Variants in MYO1H observed in about 807,000 individuals in gnomAD.
MYO1H encodes the protein myosin IH, also known as unconventional myosin-Ih.
Under a neutral mutation model 149.3 loss-of-function variants are expected in MYO1H, and 118 were observed. That is an observed-to-expected ratio of 0.79 (90% CI 0.68 to 0.92). The LOEUF (loss-of-function observed/expected upper bound fraction) is 0.92. Ranked by LOEUF, MYO1H falls within the 40% of genes least tolerant of loss-of-function variation. The pLI is 0.00. For synonymous variants in MYO1H, 447 were observed against 465.2 expected, an observed-to-expected ratio of 0.96 and a Z score of 0.50; for missense variants, 1,212 against 1,280.7, an observed-to-expected ratio of 0.95 and a Z score of 0.82.
chr12:109,412,015 TG>T lies in MYO1H; in HGVS notation c.1502+35del, dbSNP rs760192530. On this transcript the variant is annotated intron_variant, in intron 14 of 31. Coordinates refer to ENST00000310903, the Ensembl canonical transcript of MYO1H. ...ATACTTTATTTTACCAGATTTTGCATGGGGGAAGATGATTGTGTCTCCATTT... is the reference window on the plus strand; with the variant it reads ...ATACTTTATTTTACCAGATTTTGCATGGGGAAGATGATTGTGTCTCCATTT... 287 of 1,452,346 alleles carry T rather than the reference TG, an allele frequency of 2.0e-4. 1 individual carries two copies. The highest frequency in any genetic ancestry group is 5.8e-4 in the Admixed American group (28 of 48,264). The allele number at this position is 1,452,346 out of a possible 1,614,324, so 90.0% of individuals were successfully genotyped here. A position where few individuals can be genotyped will look rare whatever the true frequency, so the allele number is the denominator to read the frequency against.
At chr12:109,330,829 C>G in the MYO1H span, among the ~76,000 whole-genome samples, 1 of 152,046 alleles carries the variant, frequency 6.6e-6, no homozygotes, top group African/African-American at 2.4e-5. Flanking sequence ...CTTTTTTCCC[C>G]CAGCTAACTT....
upstream of MYO1H, among the ~76,000 whole-genome samples, chr12:109,343,600 A>T (rs192492696): frequency 1.4e-4 from 22 of 152,324 alleles, no homozygotes; most frequent in African/African-American, 5.1e-4. Context: ...GCCACTGGAG[A>T]TACTTTAACA....
At chr12:109,349,019 A>G (rs917141757) in intron 1 of MYO1H, among the ~76,000 whole-genome samples, 4 of 152,224 alleles carry the variant, frequency 2.6e-5, no homozygotes, top group African/African-American at 7.2e-5. Flanking sequence ...ATGTATCTGA[A>G]TGCCCATAAC....
At chr12:109,337,387 G>A in the MYO1H span, among the ~76,000 whole-genome samples, 1 of 152,186 alleles carries the variant, frequency 6.6e-6, no homozygotes, top group African/African-American at 2.4e-5. Context: ...GGATGTGTTA[G>A]TCTGTTCTCA....
At chr12:109,374,603 A>T (rs1394869244) in intron 1 of MYO1H, among the ~76,000 whole-genome samples, 1 of 152,124 alleles carries the variant, frequency 6.6e-6, no homozygotes, top group Non-Finnish European at 1.5e-5. Context: ...CTTGTCCCCC[A>T]CAGCACATAA....
the MYO1H span, among the ~76,000 whole-genome samples, chr12:109,327,857 G>A: frequency 3.3e-5 from 5 of 151,448 alleles, no homozygotes; most frequent in Non-Finnish European, 7.4e-5. Context: ...CTGGTCACTC[G>A]TAACTTAACA....
intron 30 of MYO1H, 56 bp from the exon 31 acceptor site, chr12:109,445,457 A>T: frequency 7.6e-7 from 1 of 1,308,172 alleles, no homozygotes; most frequent in Non-Finnish European, 1.1e-6. Context: ...TGTAGACCAA[A>T]GGTTGAGAGA....
intron 1 of MYO1H, among the ~76,000 whole-genome samples, chr12:109,356,409 C>A (rs536876676): frequency 1.3e-5 from 2 of 151,712 alleles, no homozygotes; most frequent in South Asian, 2.1e-4. Flanking sequence ...TGTTTTTTTA[C>A]AAGATCAGCT....
exon 9 of MYO1H, chr12:109,406,832 A>C: frequency 6.2e-7 from 1 of 1,614,002 alleles, no homozygotes; most frequent in Non-Finnish European, 8.5e-7. Context: ...GCTCTCACCC[A>C]CAGAAAAATT....
At chr12:109,356,154 CT>C (rs1419808553) in intron 1 of MYO1H, among the ~76,000 whole-genome samples, 5 of 152,140 alleles carry the variant, frequency 3.3e-5, no homozygotes, top group Non-Finnish European at 1.5e-5. Context: ...GTGAAGTCTA[CT>C]AATTTTCTTA....
At chr12:109,330,345 A>G in the MYO1H span, among the ~76,000 whole-genome samples, 1 of 152,226 alleles carries the variant, frequency 6.6e-6, no homozygotes, top group Non-Finnish European at 1.5e-5. Context: ...TTTTAAAGCA[A>G]TTACTTAAAT....
intron 15 of MYO1H, among the ~76,000 whole-genome samples, chr12:109,415,822 C>T (rs1345991918): frequency 6.6e-6 from 1 of 152,168 alleles, no homozygotes; most frequent in Non-Finnish European, 1.5e-5. Context: ...ATTCACATAT[C>T]ATCCATTTAC....
chr12:109,395,734 C>CA (rs112060744), intron 3 of MYO1H, among the ~76,000 whole-genome samples: 114 of 137,836 alleles, frequency 8.3e-4, no homozygotes, highest in East Asian at 1.7e-3. Flanking sequence ...GACTCCATCT[C>CA]AAAAAAAAAA....
rs184952778 is a variant in MYO1H at position 109,401,427 on chromosome 12, A to T, written c.750+155A>T. 5.6e-6 allele frequency: 4 copies of T among 709,482 alleles called. No homozygotes were observed. In the East Asian group the frequency reaches 1.1e-4, roughly 20 times the overall value. The allele number at this position is 709,482 out of a possible 1,614,324, so 43.9% of individuals were successfully genotyped here. ...CCATATATATATCACAAGCAATCTAATCCATCTCCTCTTATGCCTGGCAGC... is the reference window on the plus strand; with the variant it reads ...CCATATATATATCACAAGCAATCTATTCCATCTCCTCTTATGCCTGGCAGC... On this transcript the variant is annotated intron_variant, in intron 6 of 31. Transcript: ENST00000310903.
intron 15 of MYO1H, among the ~76,000 whole-genome samples, chr12:109,416,144 G>C (rs1028898351): frequency 6.6e-6 from 1 of 151,834 alleles, no homozygotes; most frequent in Non-Finnish European, 1.5e-5. Context: ...ATGTTGGCCA[G>C]GCTGGTCTGG....
intron 31 of MYO1H, 26 bp downstream of exon 31, chr12:109,445,638 G>A (rs548973124): frequency 3.7e-6 from 6 of 1,601,380 alleles, no homozygotes; most frequent in East Asian, 4.5e-5. Flanking sequence ...TGGGAGGGAA[G>A]TAAGCCGTTT....
chr12:109,402,442 A>C (rs1463976062), intron 6 of MYO1H, among the ~76,000 whole-genome samples: 6 of 152,178 alleles, frequency 3.9e-5, no homozygotes, highest in South Asian at 2.1e-4. Context: ...AAATCATGGA[A>C]GAAAAGAAGC....
intron 1 of MYO1H, among the ~76,000 whole-genome samples, chr12:109,374,350 C>T (rs556295652): frequency 2.6e-5 from 4 of 152,234 alleles, no homozygotes; most frequent in South Asian, 2.1e-4. Flanking sequence ...TCAGTTTCCC[C>T]GTCTGTAAAA....
rs771120970 is a variant in MYO1H at position 109,401,069 on chromosome 12, T to A, written c.571-24T>A. 3 of 1,606,590 alleles carry A rather than the reference T, an allele frequency of 1.9e-6. No homozygotes were observed. In the African/African-American group the frequency reaches 4.0e-5, roughly 21 times the overall value. ...AGAGTGGTTTGATTGTTGTCACTGC[T>A]GCAATTTTTGTTCTGTTTTGAAGGG... On this transcript the variant is annotated intron_variant, in intron 5 of 31. Coordinates refer to ENST00000310903, the Ensembl canonical transcript of MYO1H.
Sources: gnomAD v4.1 joint callset for allele counts (sites outside exome capture counted in the v4.1 genomes callset) on GRCh38, gnomAD v4.1.1 for gene constraint, MANE v1.5 for transcripts, NCBI Gene and HGNC (gene_info 2026-07-23, HGNC 2026-07-21) for gene names.